The following YEATS2 variants were observed in gnomAD, a reference collection of about 807,000 sequenced individuals.
The protein encoded by YEATS2 is YEATS domain containing 2, also known as YEATS domain-containing protein 2.
In YEATS2, 77 loss-of-function variants were observed where a neutral mutation model predicts 163.2. The observed-to-expected ratio is 0.47, with a 90% CI of 0.39 to 0.57. The LOEUF is 0.57. Among genes scored for constraint, YEATS2 ranks in the 20% least tolerant of loss-of-function variants. The probability of loss-of-function intolerance (pLI) is 0.00; values close to 1 mark genes in which losing one functional copy is unlikely to be tolerated. For synonymous variants in YEATS2, 631 were observed against 645.1 expected (o/e 0.98, Z 0.33); for missense variants, 1,549 against 1,729.8 (o/e 0.90, Z 1.85).
intron 15 of YEATS2, among the ~76,000 whole-genome samples, chr3:183,767,528 C>T (rs1371184959): frequency 6.6e-6 from 1 of 151,900 alleles, no homozygotes; most frequent in African/African-American, 2.4e-5. Flanking sequence ...TTACAGGCAC[C>T]CACCACCATG....
intron 21 of YEATS2, among the ~76,000 whole-genome samples, chr3:183,792,818 A>G (rs1001777245): frequency 2.0e-5 from 3 of 152,042 alleles, no homozygotes; most frequent in Non-Finnish European, 4.4e-5. Flanking sequence ...CAGAGATTTT[A>G]TTTTTTATAA....
intron 7 of YEATS2, among the ~76,000 whole-genome samples, chr3:183,732,717 T>G (rs2109133913): frequency 6.6e-6 from 1 of 151,528 alleles, no homozygotes; most frequent in East Asian, 2.0e-4. Context: ...CCGCCACCAC[T>G]CCCGGCTAAC....
intron 1 of YEATS2, among the ~76,000 whole-genome samples, chr3:183,706,671 C>T (rs577105152): frequency 1.6e-4 from 25 of 152,272 alleles, no homozygotes; most frequent in Non-Finnish European, 3.7e-4. Flanking sequence ...ACAAAATTAG[C>T]CCGGCGCGGT....
chr3:183,798,013 C>T lies in YEATS2; in HGVS notation c.3188C>T (p.Ser1063Phe). The stretch of plus-strand genomic sequence containing the variant: ...CTCAAACCACTCAGCGTAAACACAT[C>T]TGGAGGGGTGCAGACGATCCTGATG... ...SQLKPLSVNT[S>F]GGVQTILMPV... The change falls in exon 22 of 31, where the codon TCT (serine) becomes TTT (phenylalanine). Residue 1063 changes from serine to phenylalanine, a missense_variant. Ser to Phe is a radical substitution (Grantham distance 155). Coordinates refer to ENST00000305135, the MANE Select transcript of YEATS2 (RefSeq NM_018023.5). The T allele has an allele frequency of 6.2e-7, 1 of 1,614,140 alleles. No individual in the cohort carries two copies.
chr3:183,740,609 CTG>C lies in YEATS2; in HGVS notation c.924+3781_924+3782del, dbSNP rs1449642821. ...CCCTAGCTCTTCAATTCTGTCAAGACTGAGAGGGGTGAGGAAGCTTCAGAGGA... is the reference window on the plus strand; with the variant it reads ...CCCTAGCTCTTCAATTCTGTCAAGACAGAGGGGTGAGGAAGCTTCAGAGGA... On this transcript the variant is annotated intron_variant, in intron 8 of 30. Transcript: ENST00000305135. Among the ~76,000 whole-genome samples, 363 of 152,308 alleles carry C rather than the reference CTG, an allele frequency of 2.4e-3. 5 individuals carry two copies. The highest frequency in any genetic ancestry group is 1.5e-3 in the East Asian group (8 of 5,180).
chr3:183,806,822 C>T (rs770818117), intron 27 of YEATS2, 44 bp from the exon 28 acceptor site: 24 of 1,604,098 alleles, frequency 1.5e-5, no homozygotes, highest in Admixed American at 6.7e-5. Flanking sequence ...AGTCCTCTTC[C>T]GTTGGCCCCA....
At chr3:183,702,239 G>A (rs1395660181) in intron 1 of YEATS2, among the ~76,000 whole-genome samples, 2 of 152,136 alleles carry the variant, frequency 1.3e-5, no homozygotes, top group South Asian at 2.1e-4. Context: ...GAGGTCAAGC[G>A]TTCGAGACCA....
intron 27 of YEATS2, among the ~76,000 whole-genome samples, chr3:183,805,922 G>A (rs1410361393): frequency 2.6e-5 from 4 of 152,104 alleles, no homozygotes; most frequent in African/African-American, 9.7e-5. Flanking sequence ...ACTTCGCTGT[G>A]TAAGCTACTC....
rs775829034 is a variant in YEATS2, at chr3:183,776,130, T to C, written c.2577+7T>C. On this transcript the variant is annotated splice_region_variant and intron_variant, in intron 18 of 30. Transcript: ENST00000305135. The stretch of plus-strand genomic sequence containing the variant: ...CCTCAAGCAAACTCCCCAGGTCTGG[T>C]TCTCTGTAACTGATATTTTAAATCA... 6.5e-7 allele frequency: 1 copy of C among 1,549,976 alleles called. No individual in the cohort carries two copies. Among genetic ancestry groups the C allele is most frequent in the Non-Finnish European group, 8.7e-7 (1 of 1,150,718 alleles).
At chr3:183,740,723 G>A (rs1353200092) in intron 8 of YEATS2, among the ~76,000 whole-genome samples, 2 of 152,254 alleles carry the variant, frequency 1.3e-5, no homozygotes, top group African/African-American at 2.4e-5. Flanking sequence ...GAAGCAGCAA[G>A]TGCTGATGGA....
intron 1 of YEATS2, among the ~76,000 whole-genome samples, chr3:183,701,042 T>TAC (rs1491439471): frequency 6.9e-6 from 1 of 145,084 alleles, no homozygotes; most frequent in Non-Finnish European, 1.5e-5. Flanking sequence ...CTGGTGTGTG[T>TAC]ATATATATAT....
intron 27 of YEATS2, among the ~76,000 whole-genome samples, chr3:183,806,030 T>C (rs577159651): frequency 4.7e-4 from 72 of 152,132 alleles, no homozygotes; most frequent in African/African-American, 1.7e-3. Flanking sequence ...ATCTGACTGA[T>C]TCCAAACGGC....
At chr3:183,724,347 A>T in intron 5 of YEATS2, 72 bp from the exon 6 acceptor site, 2 of 1,137,242 alleles carry the variant, frequency 1.8e-6, no homozygotes, top group Non-Finnish European at 2.5e-6. Context: ...TATACTTTTT[A>T]CAATTTTGTG....
intron 11 of YEATS2, 82 bp downstream of exon 11, chr3:183,754,447 T>G (rs913390931): frequency 9.3e-5 from 140 of 1,500,100 alleles, no homozygotes; most frequent in Admixed American, 1.2e-4. Flanking sequence ...AATACTTGGC[T>G]TTTTTTCTCT....
intron 21 of YEATS2, among the ~76,000 whole-genome samples, chr3:183,792,076 A>G (rs1253357152): frequency 2.0e-5 from 3 of 152,206 alleles, no homozygotes; most frequent in South Asian, 2.1e-4. Context: ...TTGTTAGTCC[A>G]TAATCCTTTA....
rs1162536988 is a variant in YEATS2 at position 183,728,654 on chromosome 3, G to A, written c.651-36G>A. 17 of 1,494,012 alleles carry A rather than the reference G, an allele frequency of 1.1e-5. No individual in the cohort carries two copies. The East Asian group carries it at 1.7e-4, about 15-fold the overall frequency. The allele number at this position is 1,494,012 out of a possible 1,614,324, so 92.5% of individuals were successfully genotyped here. On this transcript the variant is annotated intron_variant, in intron 6 of 30. Transcript: ENST00000305135. ...TTATTTAGTTAGGTTTTTGAAGGAC[G>A]AAAAGAATTCAGGTTTCTTTTTTCT...
intron 20 of YEATS2, among the ~76,000 whole-genome samples, chr3:183,788,982 T>G (rs2108472122): frequency 6.6e-6 from 1 of 152,316 alleles, no homozygotes; most frequent in African/African-American, 2.4e-5. Context: ...ATTGTTTGGC[T>G]TTTTTCTATA....
chr3:183,711,405 G>A (rs1479390727), intron 1 of YEATS2, among the ~76,000 whole-genome samples: 1 of 151,022 alleles, frequency 6.6e-6, no homozygotes, highest in Non-Finnish European at 1.5e-5. Context: ...CCCGGGAGGT[G>A]GAGCTTGCAG....
At position 183,762,189 on chromosome 3, in the gene YEATS2, AG is replaced by A. The variant is rs34579718; in HGVS notation, c.1862del (p.Gly621ValfsTer3). ...CACTCCCGCAGTATGTGACTGTGAA[AG>A]GGGGTCACATGATAGCTGTGTCCCC... ...SPLPQYVTVK[G>X]GHMIAVSPQK... On this transcript the variant is annotated frameshift_variant, in exon 15 of 31. Transcript: ENST00000305135. LOFTEE classifies it high-confidence loss of function. 1.2e-6 allele frequency: 2 copies of A among 1,614,180 alleles called. No homozygotes were observed. The highest frequency in any genetic ancestry group is 1.7e-6 in the Non-Finnish European group (2 of 1,180,036).
Sources: gnomAD v4.1 joint callset for allele counts (sites outside exome capture counted in the v4.1 genomes callset) on GRCh38, gnomAD v4.1.1 for gene constraint, MANE v1.5 for transcripts, NCBI Gene and HGNC (gene_info 2026-07-23, HGNC 2026-07-21) for gene names.